APBB2: variants seen among roughly 807,000 people sequenced by gnomAD.
The protein encoded by APBB2 is amyloid beta precursor protein binding family B member 2.
A neutral mutation model predicts 82.5 loss-of-function variants in APBB2; 38 were observed. That is an observed-to-expected ratio of 0.46 (90% CI 0.36 to 0.60). The LOEUF (loss-of-function observed/expected upper bound fraction) is 0.60. APBB2 is among the 20% of genes least tolerant of loss of function. The pLI, the probability that APBB2 is intolerant of heterozygous loss-of-function variation, is 0.00. For missense variants in APBB2, 772 were observed against 972.3 expected (o/e 0.79, Z 2.74); for synonymous variants, 341 against 368.2 (o/e 0.93, Z 0.85).
chr4:41,028,121 C>G (rs1715204764), intron 5 of APBB2, among the ~76,000 whole-genome samples: 1 of 152,214 alleles, frequency 6.6e-6, no homozygotes, highest in South Asian at 2.1e-4. Context: ...TCAGCCTTCC[C>G]CTACACCCAT....
chr4:41,158,357 G>A (rs1763994501), intron 1 of APBB2, among the ~76,000 whole-genome samples: 1 of 152,154 alleles, frequency 6.6e-6, no homozygotes, highest in Non-Finnish European at 1.5e-5. Context: ...TTCTCTAAGA[G>A]TTTATGTCTA....
chr4:41,004,171 G>A (rs748937674), intron 6 of APBB2, among the ~76,000 whole-genome samples: 1 of 151,794 alleles, frequency 6.6e-6, no homozygotes, highest in African/African-American at 2.4e-5. Context: ...TACCCACCTC[G>A]GCCTCCCAAA....
At chr4:40,942,185 G>A (rs972534815) in intron 7 of APBB2, among the ~76,000 whole-genome samples, 1 of 152,176 alleles carries the variant, frequency 6.6e-6, no homozygotes, top group South Asian at 2.1e-4. Flanking sequence ...TGTAGGGGGA[G>A]AAACACGTGT....
chr4:40,832,787 G>C lies in APBB2; in HGVS notation c.1530-2210C>G, dbSNP rs951310823. On this transcript the variant is annotated intron_variant, in intron 12 of 17. Coordinates refer to ENST00000508593, the MANE Select transcript of APBB2 (RefSeq NM_004307.2). This position sits in a 1 kb window ranked among gnomAD's most constrained non-coding sequence, Gnocchi z 4.8. ...CCTCAACACTCTGCAGCTCCATGAA[G>C]ACGACTGTGCCTAACTCATCCCAGC... Among the ~76,000 whole-genome samples the C allele has an allele frequency of 6.6e-6, 1 of 152,212 alleles. No individual in the cohort carries two copies. The highest frequency in any genetic ancestry group is 1.5e-5 in the Non-Finnish European group (1 of 68,044).
intron 1 of APBB2, among the ~76,000 whole-genome samples, chr4:41,196,696 A>ATTT: frequency 6.8e-6 from 1 of 146,764 alleles, no homozygotes; most frequent in Non-Finnish European, 1.5e-5. Context: ...ATTTCTAGTG[A>ATTT]TGTTTACTTT....
Position 41,014,162 on chromosome 4 carries a change from C to T in APBB2, c.256G>A (p.Ala86Thr). ...GAGCCATTTCCCAGCAGGGGCTGTG[C>T]AGCTGGATCCGAGAGGCCCATGGCC... ...QAAMGLSDPAAQPLLGNGSAN... is the reference protein window; with the variant it reads ...QAAMGLSDPATQPLLGNGSAN... The change falls in exon 6 of 18, where the codon GCA becomes ACA. Residue 86 changes from alanine to threonine, a missense_variant. By Grantham distance (58) the Ala-to-Thr change is moderately conservative. Coordinates refer to ENST00000508593, the MANE Select transcript of APBB2 (RefSeq NM_004307.2). The T allele has an allele frequency of 6.2e-7, 1 of 1,614,230 alleles. No homozygotes were observed. Among genetic ancestry groups the T allele is most frequent in the South Asian group, 1.1e-5 (1 of 91,080 alleles).
intron 3 of APBB2, among the ~76,000 whole-genome samples, chr4:41,082,115 A>G (rs1737850442): frequency 6.6e-6 from 1 of 152,318 alleles, no homozygotes; most frequent in Middle Eastern, 3.4e-3. Context: ...TTAGACTTAA[A>G]AGGAAGTTAT....
At position 40,996,337 on chromosome 4, in the gene APBB2, T is replaced by C. The variant is rs112842236; in HGVS notation, c.835+17246A>G. Among the ~76,000 whole-genome samples, 1,244 of 152,322 alleles carry C rather than the reference T, an allele frequency of 8.2e-3. 20 individuals carry two copies. Among genetic ancestry groups the C allele is most frequent in the African/African-American group, 0.027 (1,127 of 41,560 alleles). Reference sequence around the variant, plus strand: ...TTGTTTGTTTTGTTTTTTAAGGCAGTTCTCTAATAACACCCAATCTGTTTA... The same window carrying C: ...TTGTTTGTTTTGTTTTTTAAGGCAGCTCTCTAATAACACCCAATCTGTTTA... On this transcript the variant is annotated intron_variant, in intron 6 of 17. Coordinates refer to ENST00000508593, the MANE Select transcript of APBB2 (RefSeq NM_004307.2).
intron 2 of APBB2, among the ~76,000 whole-genome samples, chr4:41,130,821 G>T (rs1184089033): frequency 6.6e-6 from 1 of 151,984 alleles, no homozygotes; most frequent in African/African-American, 2.4e-5. Flanking sequence ...TTAAGGCCTT[G>T]TAGGACAGAT....
intron 6 of APBB2, among the ~76,000 whole-genome samples, chr4:40,964,803 G>A (rs1370664268): frequency 1.2e-5 from 1 of 80,244 alleles, no homozygotes; most frequent in Admixed American, 1.4e-4. Context: ...GTATAGTTTT[G>A]AACAAAAAGT....
At chr4:41,111,258 A>G (rs1300731893) in intron 2 of APBB2, among the ~76,000 whole-genome samples, 2 of 152,240 alleles carry the variant, frequency 1.3e-5, no homozygotes, top group Non-Finnish European at 2.9e-5. Context: ...CTAACAGACC[A>G]CAGAATGGTA....
At chr4:41,097,682 A>AT (rs902548703) in intron 3 of APBB2, among the ~76,000 whole-genome samples, 7 of 152,162 alleles carry the variant, frequency 4.6e-5, no homozygotes, top group South Asian at 2.1e-4. Flanking sequence ...TCCATGGCTA[A>AT]TTTTTTTGAA....
chr4:41,212,332 T>C (rs930488214), intron 1 of APBB2, among the ~76,000 whole-genome samples: 1 of 152,148 alleles, frequency 6.6e-6, no homozygotes, highest in Non-Finnish European at 1.5e-5. Flanking sequence ...TTTTGCACTT[T>C]AGCTCATCAA....
intron 6 of APBB2, among the ~76,000 whole-genome samples, chr4:40,994,390 T>C (rs991269783): frequency 6.6e-5 from 10 of 151,474 alleles, no homozygotes; most frequent in Admixed American, 3.9e-4. Context: ...ATGAAGAAAA[T>C]AAGATTGCTC....
chr4:40,852,644 C>T (rs1759847181), intron 12 of APBB2, among the ~76,000 whole-genome samples: 2 of 146,086 alleles, frequency 1.4e-5, no homozygotes, highest in African/African-American at 2.5e-5. Context: ...AAGTCAAAGT[C>T]TTTTTTTTTT....
intron 1 of APBB2, among the ~76,000 whole-genome samples, chr4:41,176,904 C>T (rs1769957372): frequency 6.6e-6 from 1 of 151,912 alleles, no homozygotes; most frequent in South Asian, 2.1e-4. Flanking sequence ...ATGCCTTACA[C>T]CTCTACTTCA....
chr4:40,838,342 T>TC (rs907244821), intron 12 of APBB2, among the ~76,000 whole-genome samples: 5 of 141,588 alleles, frequency 3.5e-5, no homozygotes, highest in Admixed American at 7.0e-5. Context: ...TTTTTTTTTT[T>TC]TTTTTTTTTT....
intron 10 of APBB2, among the ~76,000 whole-genome samples, chr4:40,933,442 T>C (rs73150567): frequency 0.033 from 5,027 of 152,164 alleles, 276 homozygotes; most frequent in African/African-American, 0.12. Flanking sequence ...AACATCAGTG[T>C]TGGGACATGC....
chr4:41,196,534 A>T, intron 1 of APBB2, among the ~76,000 whole-genome samples: 1 of 151,482 alleles, frequency 6.6e-6, no homozygotes, highest in Non-Finnish European at 1.5e-5. Context: ...CATCTCCCCC[A>T]AAACCTCACT....
Sources: gnomAD v4.1 joint callset for allele counts (sites outside exome capture counted in the v4.1 genomes callset) on GRCh38, gnomAD v4.1.1 for gene constraint, Gnocchi (gnomAD v3.1) non-coding constraint, MANE v1.5 for transcripts, NCBI Gene and HGNC (gene_info 2026-07-23, HGNC 2026-07-21) for gene names.